CREB3L1: variants seen among roughly 807,000 people sequenced by gnomAD.
The protein encoded by CREB3L1 is cAMP responsive element binding protein 3 like 1.
A neutral mutation model predicts 54.5 loss-of-function variants in CREB3L1; 33 were observed. The ratio of observed to expected loss-of-function variants is 0.61; its 90% CI spans 0.46 to 0.81. CREB3L1 has a LOEUF of 0.81. Among genes scored for constraint, CREB3L1 ranks in the 30% least tolerant of loss-of-function variants. The probability of loss-of-function intolerance (pLI) is 0.00; values close to 1 mark genes in which losing one functional copy is unlikely to be tolerated. For synonymous variants in CREB3L1, 284 were observed against 286.4 expected, an observed-to-expected ratio of 0.99 and a Z score of 0.08; for missense variants, 656 against 673.3, an observed-to-expected ratio of 0.97 and a Z score of 0.29.
At chr11:46,283,810 G>A (rs1022701846) in intron 1 of CREB3L1, among the ~76,000 whole-genome samples, 1 of 152,066 alleles carries the variant, frequency 6.6e-6, no homozygotes, top group African/African-American at 2.4e-5. Flanking sequence ...TTGAGCCCAG[G>A]AGTTCAAGGC....
chr11:46,282,244 C>CGAG (rs1938989062), intron 1 of CREB3L1, among the ~76,000 whole-genome samples: 2 of 152,140 alleles, frequency 1.3e-5, no homozygotes, highest in South Asian at 4.1e-4. Flanking sequence ...TTGCAGCCAT[C>CGAG]GAGGTCCTGC....
At chr11:46,309,130 C>A (rs2136352775) in intron 3 of CREB3L1, among the ~76,000 whole-genome samples, 1 of 152,322 alleles carries the variant, frequency 6.6e-6, no homozygotes, top group African/African-American at 2.4e-5. Flanking sequence ...ACCGCAGTCC[C>A]CTCTCTGTCA....
chr11:46,315,196 C>A, intron 8 of CREB3L1: 1 of 341,052 alleles, frequency 2.9e-6, no homozygotes, highest in Admixed American at 3.6e-5. Flanking sequence ...CCAGCCACTC[C>A]TCTGTTCCCT....
chr11:46,282,214 G>C (rs948633616), intron 1 of CREB3L1, among the ~76,000 whole-genome samples: 1 of 152,176 alleles, frequency 6.6e-6, no homozygotes, highest in Non-Finnish European at 1.5e-5. Flanking sequence ...AGAGGGAAAA[G>C]TGTCCTTAAG....
At chr11:46,292,130 A>AGACCT (rs1939139332) in intron 1 of CREB3L1, among the ~76,000 whole-genome samples, 1 of 152,180 alleles carries the variant, frequency 6.6e-6, no homozygotes, top group Non-Finnish European at 1.5e-5. Context: ...TGTGCTTCCC[A>AGACCT]GGTACCTGGT....
At chr11:46,307,747 C>T in intron 2 of CREB3L1, 69 bp from the exon 3 acceptor site, 2 of 1,356,226 alleles carry the variant, frequency 1.5e-6, no homozygotes, top group African/African-American at 1.5e-5. Context: ...CCTAGGGTAG[C>T]TCCCAGGGGG....
At chr11:46,318,229 A>G (rs1939596541) in intron 10 of CREB3L1, among the ~76,000 whole-genome samples, 1 of 149,354 alleles carries the variant, frequency 6.7e-6, no homozygotes, top group African/African-American at 2.5e-5. Flanking sequence ...AAAAAAAAAG[A>G]AGGATCCTGA....
At chr11:46,314,816 T>C (rs1378857945) in intron 8 of CREB3L1, among the ~76,000 whole-genome samples, 1 of 151,992 alleles carries the variant, frequency 6.6e-6, no homozygotes, top group Admixed American at 6.6e-5. Context: ...CAAGCAATTC[T>C]CATGCCTCAG....
intron 1 of CREB3L1, among the ~76,000 whole-genome samples, chr11:46,286,938 C>A (rs757104151): frequency 2.0e-5 from 3 of 152,236 alleles, no homozygotes; most frequent in Non-Finnish European, 4.4e-5. Context: ...CCACCCCACT[C>A]TGGGGAGATT....
intron 3 of CREB3L1, among the ~76,000 whole-genome samples, chr11:46,309,744 C>T (rs954354587): frequency 1.2e-4 from 18 of 152,246 alleles, no homozygotes; most frequent in African/African-American, 3.9e-4. Flanking sequence ...CAGAGGCTCA[C>T]CTTCTCTGAG....
intron 1 of CREB3L1, among the ~76,000 whole-genome samples, chr11:46,287,891 G>T (rs1939077664): frequency 6.6e-6 from 1 of 151,382 alleles, no homozygotes; most frequent in Non-Finnish European, 1.5e-5. Context: ...CAGAAGAATT[G>T]CTTGAACCCA....
intron 2 of CREB3L1, among the ~76,000 whole-genome samples, chr11:46,303,987 CA>C (rs1376111548): frequency 6.6e-6 from 1 of 152,144 alleles, no homozygotes; most frequent in Non-Finnish European, 1.5e-5. Context: ...GCCTAGGCGA[CA>C]GAGCAAGACC....
At chr11:46,311,991 G>A (rs2136354944) in intron 5 of CREB3L1, among the ~76,000 whole-genome samples, 1 of 152,274 alleles carries the variant, frequency 6.6e-6, no homozygotes, top group Middle Eastern at 3.4e-3. Flanking sequence ...GATGGGTGTG[G>A]AGTCTCCCAA....
intron 1 of CREB3L1, among the ~76,000 whole-genome samples, chr11:46,279,434 C>G (rs1341471740): frequency 1.3e-5 from 2 of 152,180 alleles, no homozygotes; most frequent in Non-Finnish European, 2.9e-5. Context: ...TCACCCTGCG[C>G]TCTGAGGAAG....
At chr11:46,304,693 G>C (rs567097045) in intron 2 of CREB3L1, among the ~76,000 whole-genome samples, 1 of 39,656 alleles carries the variant, frequency 2.5e-5, no homozygotes, top group Admixed American at 1.8e-4. Flanking sequence ...TAATTTTTTG[G>C]GGGGGGCGGG....
chr11:46,312,771 G>C, intron 7 of CREB3L1, 80 bp from the exon 8 acceptor site: 1 of 1,547,012 alleles, frequency 6.5e-7, no homozygotes, highest in Middle Eastern at 1.7e-4. Flanking sequence ...CACAGGGAGT[G>C]TGATGGTGGT....
At chr11:46,288,081 T>TA (rs1347835825) in intron 1 of CREB3L1, among the ~76,000 whole-genome samples, 2 of 152,084 alleles carry the variant, frequency 1.3e-5, no homozygotes, top group African/African-American at 2.4e-5. Flanking sequence ...TTTTATTTAT[T>TA]TATTTATTCA....
intron 8 of CREB3L1, 95 bp from the exon 9 acceptor site, chr11:46,316,191 A>T: frequency 1.4e-6 from 1 of 739,296 alleles, no homozygotes; most frequent in Non-Finnish European, 2.3e-6. Flanking sequence ...CCTGGCGTGG[A>T]GGCCAAGTCT....
chr11:46,302,627 T>C (rs1345585007), intron 2 of CREB3L1, among the ~76,000 whole-genome samples: 2 of 152,250 alleles, frequency 1.3e-5, no homozygotes, highest in African/African-American at 2.4e-5. Flanking sequence ...CACATTTATT[T>C]CTCATGACTG....
Sources: allele counts gnomAD v4.1 joint callset (sites outside exome capture counted in the v4.1 genomes callset), GRCh38; gene constraint gnomAD v4.1.1; transcripts MANE v1.5; gene names NCBI Gene and HGNC (gene_info 2026-07-23, HGNC 2026-07-21).